The following DOCK10 variants were observed in gnomAD, a reference collection of about 807,000 sequenced individuals.
The protein encoded by DOCK10 is dedicator of cytokinesis protein 10.
In DOCK10, 145 loss-of-function variants were observed where a neutral mutation model predicts 280.1. That is an observed-to-expected ratio of 0.52 (90% confidence interval 0.45 to 0.59). The LOEUF (loss-of-function observed/expected upper bound fraction) is 0.59. Among genes scored for constraint, DOCK10 ranks in the 20% least tolerant of loss-of-function variants. The probability of loss-of-function intolerance (pLI) is 0.00; values close to 1 mark genes in which losing one functional copy is unlikely to be tolerated. For missense variants in DOCK10, 2,368 were observed against 2,651.7 expected (o/e 0.89, Z 2.35); for synonymous variants, 915 against 942.2 (o/e 0.97, Z 0.53).
At chr2:224,790,885 A>G (rs1692141009) in intron 47 of DOCK10, among the ~76,000 whole-genome samples, 1 of 152,210 alleles carries the variant, frequency 6.6e-6, no homozygotes, top group Non-Finnish European at 1.5e-5. Context: ...TGACATTCCC[A>G]TATATGCTGA....
intron 25 of DOCK10, among the ~76,000 whole-genome samples, chr2:224,835,461 A>T (rs1160712816): frequency 1.3e-5 from 2 of 152,238 alleles, no homozygotes; most frequent in Non-Finnish European, 2.9e-5. Context: ...CATATTGTAG[A>T]CGAAGTGAGT....
At position 224,876,133 on chromosome 2, in the gene DOCK10, T is replaced by A; in HGVS notation, c.836A>T (p.Asp279Val). 6.2e-7 allele frequency: 1 copy of A among 1,613,938 alleles called. No individual in the cohort carries two copies. The highest frequency in any genetic ancestry group is 8.5e-7 in the Non-Finnish European group (1 of 1,179,862). Residue 279 changes from aspartate to valine, a missense_variant, in exon 8 of 56, where the codon GAT (aspartate) becomes GTT (valine). By Grantham distance (152) the Asp-to-Val change is radical. This residue lies in a region of DOCK10 where 1,209 missense variants were observed against 1,250.9 expected (regional missense o/e 0.97). Transcript: ENST00000258390. Reference protein sequence around the residue: ...VLAAETESDMDEWIHTLNRIL... With the variant: ...VLAAETESDMVEWIHTLNRIL... The stretch of plus-strand genomic sequence containing the variant: ...GCGGTTGAGGGTGTGGATCCATTCA[T>A]CCATATCTGACTCTGTTTCAGCTGC...
chr2:224,864,010 C>T (rs1339436129), intron 13 of DOCK10, among the ~76,000 whole-genome samples: 2 of 152,104 alleles, frequency 1.3e-5, no homozygotes, highest in East Asian at 1.9e-4. Context: ...TACTCTGATC[C>T]TTGGGGTGAA....
chr2:224,841,856 C>G lies in DOCK10; in HGVS notation c.2609G>C (p.Arg870Thr), dbSNP rs1158461478. ...AGGTGACTGAGACATATCTTTCTCT[C>G]TTTTTTGGCACTCTTGGAAAAATGC... is the stretch of plus-strand genomic sequence containing the variant. Reference protein sequence around the residue: ...VNAFFQECQKREKDMSQSPTS... With the variant: ...VNAFFQECQKTEKDMSQSPTS... The change falls in exon 23 of 56, where the codon AGA becomes ACA. Residue 870 changes from arginine to threonine, a missense_variant. Arg to Thr is a moderately conservative substitution (Grantham distance 71). Transcript: ENST00000258390. 1.2e-6 allele frequency: 2 copies of G among 1,613,556 alleles called. No individual in the cohort carries two copies.
At chr2:224,848,956 C>CT (rs953648155) in intron 19 of DOCK10, among the ~76,000 whole-genome samples, 11 of 152,110 alleles carry the variant, frequency 7.2e-5, no homozygotes, top group South Asian at 6.2e-4. Flanking sequence ...CTAAAAGCAT[C>CT]TTTTTTTTAA....
intron 50 of DOCK10, among the ~76,000 whole-genome samples, chr2:224,785,639 C>T (rs992845292): frequency 2.6e-5 from 4 of 152,024 alleles, no homozygotes; most frequent in Non-Finnish European, 1.5e-5. Flanking sequence ...TGCCACCACA[C>T]CCGGCTAATT....
chr2:224,960,730 CTTTTTTTTTTT>C (rs71281764), intron 1 of DOCK10, among the ~76,000 whole-genome samples: 98 of 70,256 alleles, frequency 1.4e-3, no homozygotes, highest in Admixed American at 1.7e-3. Context: ...TCACCAAATT[CTTTTTTTTTTT>C]TTTTTTTTTT....
chr2:225,038,009 A>G (rs1208801292), intron 1 of DOCK10, among the ~76,000 whole-genome samples: 1 of 152,216 alleles, frequency 6.6e-6, no homozygotes, highest in East Asian at 1.9e-4. Flanking sequence ...CTTTCCTCAT[A>G]TGAAAACATA....
At chr2:224,845,729 C>A in intron 19 of DOCK10, 87 bp from the exon 20 acceptor site, 2 of 1,056,666 alleles carry the variant, frequency 1.9e-6, no homozygotes, top group South Asian at 1.9e-5. Flanking sequence ...TTTAAACAAT[C>A]TTTTTTTTTT....
chr2:224,836,338 T>G (rs1220206725), intron 25 of DOCK10, among the ~76,000 whole-genome samples: 4 of 152,208 alleles, frequency 2.6e-5, no homozygotes, highest in African/African-American at 9.7e-5. Flanking sequence ...GAACTGGCTT[T>G]TTGCAGTTGA....
chr2:225,020,020 G>C (rs1272150606), intron 1 of DOCK10, among the ~76,000 whole-genome samples: 1 of 152,140 alleles, frequency 6.6e-6, no homozygotes, highest in African/African-American at 2.4e-5. Flanking sequence ...CTAGCTTGGA[G>C]TCAGAGATAC....
intron 1 of DOCK10, among the ~76,000 whole-genome samples, chr2:225,015,920 G>C (rs999770347): frequency 1.3e-5 from 2 of 152,076 alleles, no homozygotes; most frequent in African/African-American, 4.8e-5. Context: ...AAAATAAAAT[G>C]TTACTACCTT....
intron 1 of DOCK10, among the ~76,000 whole-genome samples, chr2:225,027,199 C>T (rs1285416595): frequency 6.6e-6 from 1 of 152,148 alleles, no homozygotes; most frequent in Non-Finnish European, 1.5e-5. Flanking sequence ...CAAAGCCCTA[C>T]ACAGACCTCG....
intron 50 of DOCK10, among the ~76,000 whole-genome samples, chr2:224,780,698 C>A (rs1042737635): frequency 6.6e-6 from 1 of 151,948 alleles, no homozygotes; most frequent in Non-Finnish European, 1.5e-5. Context: ...TACAAGAGAT[C>A]GAGACCATCC....
chr2:225,041,213 C>A (rs1376832226), intron 1 of DOCK10, among the ~76,000 whole-genome samples: 3 of 152,186 alleles, frequency 2.0e-5, no homozygotes, highest in African/African-American at 7.2e-5. Context: ...GCAAGAGTAA[C>A]ACTTTCACAC....
intron 1 of DOCK10, among the ~76,000 whole-genome samples, chr2:225,003,455 G>C (rs1268601670): frequency 6.6e-6 from 1 of 152,112 alleles, no homozygotes; most frequent in African/African-American, 2.4e-5. Context: ...CTGATCTTGG[G>C]AGTAGAATTC....
intron 3 of DOCK10, among the ~76,000 whole-genome samples, chr2:224,908,783 C>T (rs1423335834): frequency 1.3e-5 from 2 of 152,152 alleles, no homozygotes; most frequent in African/African-American, 2.4e-5. Context: ...TGGTATAAGC[C>T]ATTGCACCCA....
Position 224,970,349 on chromosome 2 carries a change from A to T in DOCK10, c.124-38681T>A, listed in dbSNP as rs1705012228. On this transcript the variant is annotated intron_variant, in intron 1 of 55. Transcript: ENST00000258390. This position sits in a 1 kb window ranked among gnomAD's most constrained non-coding sequence, Gnocchi z 4.6. Reference sequence around the variant, plus strand: ...GATCATCACCAACAGCTTTGTGAGGAATCCCCACCATGCTGCAAATAAGGA... The same window carrying T: ...GATCATCACCAACAGCTTTGTGAGGTATCCCCACCATGCTGCAAATAAGGA... Among the ~76,000 whole-genome samples, 3 of 152,160 alleles carry T rather than the reference A, an allele frequency of 2.0e-5. No individual in the cohort carries two copies.
At chr2:224,927,029 G>C (rs1252512537) in intron 2 of DOCK10, among the ~76,000 whole-genome samples, 1 of 152,192 alleles carries the variant, frequency 6.6e-6, no homozygotes, top group Non-Finnish European at 1.5e-5. Context: ...GTGTTATCAA[G>C]AGAAGCAGGT....
Sources: gnomAD v4.1 joint callset for allele counts (sites outside exome capture counted in the v4.1 genomes callset) on GRCh38, gnomAD v4.1.1 for gene constraint, gnomAD v4.1.1 regional missense constraint, Gnocchi (gnomAD v3.1) non-coding constraint, MANE v1.5 for transcripts, NCBI Gene and HGNC (gene_info 2026-07-23, HGNC 2026-07-21) for gene names.